The following CCDC6 variants were observed in gnomAD, a reference collection of about 807,000 sequenced individuals.
The protein encoded by CCDC6 is coiled-coil domain containing 6, also known as coiled-coil domain-containing protein 6.
Under a neutral mutation model 56.6 loss-of-function variants are expected in CCDC6, and 20 were observed. The observed-to-expected ratio is 0.35, with a 90% CI of 0.25 to 0.51. CCDC6 has a LOEUF of 0.51. CCDC6 is among the 20% of genes least tolerant of loss of function. The probability of loss-of-function intolerance (pLI) is 0.95; values close to 1 mark genes in which losing one functional copy is unlikely to be tolerated. For synonymous variants in CCDC6, 241 were observed against 234.4 expected, an observed-to-expected ratio of 1.03 and a Z score of -0.26; for missense variants, 367 against 601.1, an observed-to-expected ratio of 0.61 and a Z score of 4.07.
At chr10:59,807,260 G>A (rs534933777) in intron 5 of CCDC6, among the ~76,000 whole-genome samples, 182 bp from the exon 6 acceptor site, 5 of 152,262 alleles carry the variant, frequency 3.3e-5, no homozygotes, top group South Asian at 4.1e-4. Flanking sequence ...TGAGGAAGGC[G>A]GATCACCTGA....
At chr10:59,893,531 A>G (rs2071439608) in intron 1 of CCDC6, among the ~76,000 whole-genome samples, 1 of 152,134 alleles carries the variant, frequency 6.6e-6, no homozygotes, top group African/African-American at 2.4e-5. Flanking sequence ...CTTTGAGCCC[A>G]GGAGGCAGAG....
At chr10:59,804,583 T>A in intron 6 of CCDC6, 63 bp from the exon 7 acceptor site, 2 of 920,790 alleles carry the variant, frequency 2.2e-6, no homozygotes, top group Non-Finnish European at 3.6e-6. Context: ...AGGAGAGTTT[T>A]TAAGAGAAAA....
chr10:59,824,196 T>TC (rs57834312), intron 3 of CCDC6, among the ~76,000 whole-genome samples: 1 of 152,216 alleles, frequency 6.6e-6, no homozygotes, highest in Non-Finnish European at 1.5e-5. Context: ...GGGATTTTTT[T>TC]CCTTTTTCAT....
chr10:59,859,199 C>CGTGTGTGTGT (rs66648240), intron 1 of CCDC6, among the ~76,000 whole-genome samples: 3,850 of 137,198 alleles, frequency 0.028, 101 homozygotes, highest in African/African-American at 0.05. Flanking sequence ...CATGTGTGTG[C>CGTGTGTGTGT]GTGTGTGTGT....
At chr10:59,826,353 T>C (rs976170817) in intron 3 of CCDC6, among the ~76,000 whole-genome samples, 5 of 152,316 alleles carry the variant, frequency 3.3e-5, no homozygotes, top group Non-Finnish European at 7.4e-5. Context: ...TTCTGCCTCC[T>C]CTCCCATCTC....
chr10:59,872,823 G>GT (rs1205155960), intron 1 of CCDC6, among the ~76,000 whole-genome samples: 2 of 151,114 alleles, frequency 1.3e-5, no homozygotes, highest in Non-Finnish European at 2.9e-5. Context: ...TGCATAAGCA[G>GT]TAACTCTTCC....
intron 1 of CCDC6, among the ~76,000 whole-genome samples, chr10:59,883,696 G>C (rs1310413299): frequency 6.6e-6 from 1 of 152,132 alleles, no homozygotes; most frequent in African/African-American, 2.4e-5. Context: ...ACAAATTGGA[G>C]TCAACTCAAC....
At chr10:59,843,102 G>A (rs978576938) in intron 2 of CCDC6, among the ~76,000 whole-genome samples, 23 of 152,094 alleles carry the variant, frequency 1.5e-4, no homozygotes, top group African/African-American at 5.3e-4. Flanking sequence ...TAGCCAGGAT[G>A]GTCTCGATCT....
chr10:59,902,388 CTTTTT>C (rs35175510), intron 1 of CCDC6, among the ~76,000 whole-genome samples: 3 of 88,416 alleles, frequency 3.4e-5, no homozygotes, highest in Non-Finnish European at 2.1e-5. Context: ...AACAGTAACT[CTTTTT>C]TTTTTTTTTT....
chr10:59,815,421 C>T (rs2070703200), intron 3 of CCDC6, among the ~76,000 whole-genome samples: 2 of 152,110 alleles, frequency 1.3e-5, no homozygotes, highest in South Asian at 2.1e-4. Context: ...CAATATTGAG[C>T]AATATGTAAT....
chr10:59,837,746 CAAAAAAA>C (rs397940135), intron 2 of CCDC6, among the ~76,000 whole-genome samples: 15 of 49,734 alleles, frequency 3.0e-4, no homozygotes, highest in African/African-American at 3.8e-4. Flanking sequence ...GACTCTGTCT[CAAAAAAA>C]AAAAAAAAAA....
intron 1 of CCDC6, among the ~76,000 whole-genome samples, chr10:59,882,096 G>GGAGAAGGAAAGGAAAGCCGGC (rs2071344176): frequency 5.3e-5 from 1 of 18,838 alleles, no homozygotes; most frequent in Non-Finnish European, 9.3e-5. Flanking sequence ...GGAAAGCCGG[G>GGAGAAGGAAAGGAAAGCCGGC]GGGAGAAGGA....
intron 1 of CCDC6, among the ~76,000 whole-genome samples, chr10:59,874,775 A>G (rs1483552921): frequency 2.0e-5 from 3 of 152,106 alleles, no homozygotes; most frequent in African/African-American, 4.8e-5. Flanking sequence ...TTGACTTGCC[A>G]TTGCTGGGTT....
At position 59,790,394 on chromosome 10, in the gene CCDC6, G is replaced by A. The variant is rs755314795; in HGVS notation, c.*2523C>T. The stretch of plus-strand genomic sequence containing the variant: ...GGCAGGAACCATGTTCAGCCCCCAT[G>A]AGAAGTGCCCGACTGAGGGAAGTCA... On this transcript the variant is annotated 3_prime_UTR_variant, in exon 9 of 9. Transcript: ENST00000263102. 1 of 217,704 alleles carries A rather than the reference G, an allele frequency of 4.6e-6. No homozygotes were observed. Among genetic ancestry groups the A allele is most frequent in the Non-Finnish European group, 9.2e-6 (1 of 108,128 alleles). The allele number at this position is 217,704 out of a possible 1,614,324, so 13.5% of individuals were successfully genotyped here.
intron 3 of CCDC6, among the ~76,000 whole-genome samples, chr10:59,824,499 A>G (rs1319394706): frequency 6.6e-6 from 1 of 152,230 alleles, no homozygotes; most frequent in Non-Finnish European, 1.5e-5. Flanking sequence ...TTCTCAGGCA[A>G]CTGAAACATC....
At chr10:59,818,394 T>C (rs909600532) in intron 3 of CCDC6, among the ~76,000 whole-genome samples, 4 of 151,242 alleles carry the variant, frequency 2.6e-5, no homozygotes, top group African/African-American at 4.9e-5. Flanking sequence ...TACTAATTTA[T>C]TTCCATGATG....
chr10:59,890,685 G>C (rs1255965803), intron 1 of CCDC6, among the ~76,000 whole-genome samples: 1 of 151,906 alleles, frequency 6.6e-6, no homozygotes, highest in African/African-American at 2.4e-5. Context: ...AGCAAGGAAG[G>C]GGCAAACAGA....
chr10:59,903,590 C>T (rs2071520047), intron 1 of CCDC6, among the ~76,000 whole-genome samples: 1 of 152,104 alleles, frequency 6.6e-6, no homozygotes, highest in Non-Finnish European at 1.5e-5. Context: ...ACCTTTAGTG[C>T]CCAAGGACAT....
At chr10:59,879,821 C>G (rs915319700) in intron 1 of CCDC6, among the ~76,000 whole-genome samples, 1 of 152,174 alleles carries the variant, frequency 6.6e-6, no homozygotes, top group Non-Finnish European at 1.5e-5. Flanking sequence ...CCCCTTTCTG[C>G]TCTTTAATGT....
Sources: allele counts gnomAD v4.1 joint callset (sites outside exome capture counted in the v4.1 genomes callset), GRCh38; gene constraint gnomAD v4.1.1; transcripts MANE v1.5; gene names NCBI Gene and HGNC (gene_info 2026-07-23, HGNC 2026-07-21).